GMDS: variants seen among roughly 807,000 people sequenced by gnomAD.
The protein encoded by GMDS is GDP-mannose 4,6-dehydratase.
Under a neutral mutation model 49.9 loss-of-function variants are expected in GMDS, and 20 were observed. That is an observed-to-expected ratio of 0.40 (90% CI 0.28 to 0.58). The LOEUF is 0.58. Among genes scored for constraint, GMDS ranks in the 20% least tolerant of loss-of-function variants. The probability of loss-of-function intolerance (pLI) is 0.42; values close to 1 mark genes in which losing one functional copy is unlikely to be tolerated. For missense variants in GMDS, 362 were observed against 481.4 expected (o/e 0.75, Z 2.32); for synonymous variants, 177 against 178.6 (o/e 0.99, Z 0.07).
At position 1,640,021 on chromosome 6, in the gene GMDS, A is replaced by G. The variant is rs962487075; in HGVS notation, c.988-15481T>C. 5.9e-5 allele frequency among the ~76,000 whole-genome samples: 9 copies of G among 152,178 alleles called. No individual in the cohort carries two copies. The highest frequency in any genetic ancestry group is 1.3e-4 in the Non-Finnish European group (9 of 68,014). The stretch of plus-strand genomic sequence containing the variant: ...ATGATATCGACCAATGCTAAAGATC[A>G]GAGATAAAATCAGTGCCTGATGTTG... On this transcript the variant is annotated intron_variant, in intron 9 of 10. Transcript: ENST00000380815. This position sits in a 1 kb window ranked among gnomAD's most constrained non-coding sequence, Gnocchi z 4.0.
At chr6:2,051,873 C>A (rs1008527765) in intron 4 of GMDS, among the ~76,000 whole-genome samples, 1 of 152,014 alleles carries the variant, frequency 6.6e-6, no homozygotes, top group Non-Finnish European at 1.5e-5. Flanking sequence ...AATGCCAGCA[C>A]TTTGGGAGGC....
intron 7 of GMDS, among the ~76,000 whole-genome samples, chr6:1,929,078 T>C (rs534135129): frequency 1.7e-3 from 255 of 152,362 alleles, no homozygotes; most frequent in Non-Finnish European, 3.1e-3. Flanking sequence ...CAGTATTAGC[T>C]GTTCAAACAC....
intron 1 of GMDS, among the ~76,000 whole-genome samples, chr6:2,219,679 C>T (rs139482737): frequency 2.0e-5 from 3 of 152,062 alleles, no homozygotes; most frequent in Admixed American, 6.6e-5. Flanking sequence ...AACAGAGCAC[C>T]GACCACACCA....
intron 1 of GMDS, among the ~76,000 whole-genome samples, chr6:2,135,566 C>T (rs142636439): frequency 3.0e-4 from 45 of 150,060 alleles, no homozygotes; most frequent in Non-Finnish European, 4.6e-4. Context: ...TATAATCTAG[C>T]GAGAGGACAA....
At position 1,835,594 on chromosome 6, in the gene GMDS, C is replaced by T. The variant is rs113535107; in HGVS notation, c.772-93008G>A. Among the ~76,000 whole-genome samples, 250 of 142,690 alleles carry T rather than the reference C, an allele frequency of 1.8e-3. 1 individual carries two copies. The highest frequency in any genetic ancestry group is 4.9e-3 in the African/African-American group (159 of 32,694). The allele number at this position is 142,690 out of a possible 152,430, so 93.6% of individuals were successfully genotyped here. A position where few individuals can be genotyped will look rare whatever the true frequency, so the allele number is the denominator to read the frequency against. ...TTTATGTCTTTTTAGGCTTGATAAA[C>T]CAACTATTTTATAAGTTCTTAGATC... On this transcript the variant is annotated intron_variant, in intron 7 of 10. Transcript: ENST00000380815.
chr6:1,933,573 G>A (rs1011525804), intron 6 of GMDS, among the ~76,000 whole-genome samples: 3 of 152,204 alleles, frequency 2.0e-5, no homozygotes, highest in Non-Finnish European at 2.9e-5. Flanking sequence ...TTGGCACCGA[G>A]TGGTATCTTA....
intron 1 of GMDS, among the ~76,000 whole-genome samples, chr6:2,204,152 C>T (rs1330231849): frequency 2.6e-5 from 4 of 152,174 alleles, no homozygotes; most frequent in Non-Finnish European, 4.4e-5. Context: ...AAGTATACAT[C>T]ATCAATCACC....
chr6:1,842,432 G>A (rs1162747836), intron 7 of GMDS, among the ~76,000 whole-genome samples: 1 of 152,228 alleles, frequency 6.6e-6, no homozygotes, highest in Non-Finnish European at 1.5e-5. Context: ...GATGGGAGAG[G>A]AGGCCTGCTG....
chr6:1,771,473 T>G (rs1376315424), intron 7 of GMDS, among the ~76,000 whole-genome samples: 2 of 151,704 alleles, frequency 1.3e-5, no homozygotes, highest in East Asian at 3.9e-4. Flanking sequence ...AGAAAAGGAG[T>G]GTGAAGTGCC....
intron 7 of GMDS, among the ~76,000 whole-genome samples, chr6:1,904,046 A>G (rs1057413292): frequency 1.3e-5 from 2 of 152,130 alleles, no homozygotes; most frequent in Non-Finnish European, 2.9e-5. Flanking sequence ...TTAGGGGAGG[A>G]AGGCAAGCTT....
chr6:2,120,992 T>C lies in GMDS; in HGVS notation c.148-3436A>G, dbSNP rs977711483. On this transcript the variant is annotated intron_variant, in intron 2 of 10. Coordinates refer to ENST00000380815, the MANE Select transcript of GMDS (RefSeq NM_001500.4). ...GCTCCATTGGGCTAAGTATTTTCCA[T>C]ATACTGTCTTATCTAACCTTCACAA... is the stretch of plus-strand genomic sequence containing the variant. 2.0e-5 allele frequency among the ~76,000 whole-genome samples: 3 copies of C among 152,200 alleles called. No homozygotes were observed. The East Asian group carries it at 5.8e-4, about 29-fold the overall frequency.
At chr6:1,791,068 G>A (rs1581185901) in intron 7 of GMDS, among the ~76,000 whole-genome samples, 1 of 152,204 alleles carries the variant, frequency 6.6e-6, no homozygotes, top group Non-Finnish European at 1.5e-5. Context: ...AGGCACTGGA[G>A]AGAGCCACAA....
At chr6:2,105,979 G>C (rs574220570) in intron 4 of GMDS, among the ~76,000 whole-genome samples, 1 of 152,126 alleles carries the variant, frequency 6.6e-6, no homozygotes, top group South Asian at 2.1e-4. Context: ...GTCTCTTAAC[G>C]ATAAACTGTT....
At chr6:2,206,522 AAC>A (rs1048830099) in intron 1 of GMDS, among the ~76,000 whole-genome samples, 6 of 152,206 alleles carry the variant, frequency 3.9e-5, no homozygotes, top group Admixed American at 3.9e-4. Context: ...AAACAAGTTG[AAC>A]AGAGTCCAAG....
At chr6:1,986,147 C>A (rs1765531587) in intron 4 of GMDS, among the ~76,000 whole-genome samples, 1 of 152,154 alleles carries the variant, frequency 6.6e-6, no homozygotes, top group South Asian at 2.1e-4. Context: ...AAGACAAGGT[C>A]TTGAATCACA....
intron 4 of GMDS, among the ~76,000 whole-genome samples, chr6:2,098,701 A>G (rs1773752773): frequency 6.6e-6 from 1 of 152,186 alleles, no homozygotes; most frequent in African/African-American, 2.4e-5. Flanking sequence ...GCTGATAATA[A>G]GCTTAAAAAA....
At chr6:2,145,917 T>C (rs9501811) in intron 1 of GMDS, among the ~76,000 whole-genome samples, 5,003 of 152,246 alleles carry the variant, frequency 0.033, 294 homozygotes, top group African/African-American at 0.11. Context: ...CACCATCTCA[T>C]ATACGGGACT....
At chr6:1,956,577 T>C (rs1250307255) in intron 6 of GMDS, among the ~76,000 whole-genome samples, 1 of 151,960 alleles carries the variant, frequency 6.6e-6, no homozygotes, top group African/African-American at 2.4e-5. Flanking sequence ...ACTGGATACC[T>C]AGGACTAGAT....
intron 4 of GMDS, among the ~76,000 whole-genome samples, chr6:2,075,504 G>A (rs759957368): frequency 1.3e-5 from 2 of 152,144 alleles, no homozygotes; most frequent in East Asian, 1.9e-4. Context: ...GAGAACACGC[G>A]ATGTTTGGTT....
Sources: gnomAD v4.1 joint callset for allele counts (sites outside exome capture counted in the v4.1 genomes callset) on GRCh38, gnomAD v4.1.1 for gene constraint, Gnocchi (gnomAD v3.1) non-coding constraint, MANE v1.5 for transcripts, NCBI Gene and HGNC (gene_info 2026-07-23, HGNC 2026-07-21) for gene names.